CEP112: variants seen among roughly 807,000 people sequenced by gnomAD.
CEP112 encodes the protein centrosomal protein of 112 kDa.
In CEP112, 127 loss-of-function variants were observed where a neutral mutation model predicts 153.0. The observed-to-expected ratio is 0.83, with a 90% CI of 0.72 to 0.96. The LOEUF is 0.96. Among genes scored for constraint, CEP112 ranks in the 40% least tolerant of loss-of-function variants. The pLI is 0.00. For missense variants in CEP112, 1,089 were observed against 1,101.2 expected (o/e 0.99, Z 0.16); for synonymous variants, 358 against 374.4 (o/e 0.96, Z 0.51).
At chr17:66,098,056 C>T (rs2068420225) in intron 6 of CEP112, among the ~76,000 whole-genome samples, 1 of 152,204 alleles carries the variant, frequency 6.6e-6, no homozygotes, top group Non-Finnish European at 1.5e-5. Flanking sequence ...CAGACTACAG[C>T]TTACTCTTGT....
intron 17 of CEP112, among the ~76,000 whole-genome samples, chr17:65,974,583 G>A (rs1462820296): frequency 6.6e-6 from 1 of 152,130 alleles, no homozygotes; most frequent in African/African-American, 2.4e-5. Context: ...ACATGCAACT[G>A]CAAATATTGG....
intron 20 of CEP112, among the ~76,000 whole-genome samples, chr17:65,889,947 C>T (rs893572431): frequency 3.3e-5 from 5 of 152,136 alleles, no homozygotes; most frequent in South Asian, 4.2e-4. Flanking sequence ...CAGTGACTTT[C>T]GATTGTTGAC....
rs536885793 is a variant in CEP112, at chr17:65,819,299, G to A, written c.2394+32505C>T. 5.8e-4 allele frequency among the ~76,000 whole-genome samples: 88 copies of A among 151,818 alleles called. 2 individuals carry two copies. In the South Asian group the frequency reaches 0.018, roughly 31 times the overall value. On this transcript the variant is annotated intron_variant, in intron 21 of 26. Coordinates refer to ENST00000535342, the MANE Select transcript of CEP112 (RefSeq NM_001199165.4). ...TTTAAAAGAATCTTGCATTTTAAAA[G>A]CAACCTTGAGCTTCCAATATTTTCT... is the stretch of plus-strand genomic sequence containing the variant.
chr17:65,988,188 C>T (rs867145605), intron 17 of CEP112, among the ~76,000 whole-genome samples: 3 of 152,104 alleles, frequency 2.0e-5, no homozygotes, highest in African/African-American at 7.2e-5. Context: ...CCAAGCAAAA[C>T]CTGGGCTTAA....
At position 65,637,153 on chromosome 17, in the gene CEP112, C is replaced by T. The variant is rs1191594183; in HGVS notation, c.2835G>A (p.Gln945=). The T allele has an allele frequency of 2.5e-6, 4 of 1,614,074 alleles. No homozygotes were observed. The South Asian group carries it at 3.3e-5, about 13-fold the overall frequency. ...TGCCTTGATATGTAGTCAGTTCTTC[C>T]TGAAGGATGGAAGCTCTCTTTTGCA... The part of the protein sequence containing the change: ...NFLQKRASIL[Q]EELTTYQGRR The change falls in exon 26 of 27, where the codon CAG becomes CAA. Residue 945 remains glutamine (Q), a synonymous_variant. Transcript: ENST00000535342.
chr17:65,908,140 G>A (rs2060149796), intron 19 of CEP112, among the ~76,000 whole-genome samples: 1 of 152,146 alleles, frequency 6.6e-6, no homozygotes, highest in African/African-American at 2.4e-5. Context: ...TAATAAAAGA[G>A]GGAAGGCTTC....
intron 6 of CEP112, among the ~76,000 whole-genome samples, chr17:66,121,661 G>A (rs2069597194): frequency 6.6e-6 from 1 of 150,824 alleles, no homozygotes; most frequent in South Asian, 2.1e-4. Flanking sequence ...TTTCACTTCG[G>A]TTATACGGTT....
intron 12 of CEP112, among the ~76,000 whole-genome samples, chr17:66,044,514 G>A (rs2066118374): frequency 6.6e-6 from 1 of 152,140 alleles, no homozygotes; most frequent in Admixed American, 6.5e-5. Flanking sequence ...TATATGCATA[G>A]AGTGGAATTA....
intron 24 of CEP112, among the ~76,000 whole-genome samples, chr17:65,662,827 C>T (rs1318915597): frequency 6.6e-6 from 1 of 152,140 alleles, no homozygotes; most frequent in Non-Finnish European, 1.5e-5. Flanking sequence ...ATTCCAACTT[C>T]ATCTATAAGT....
At chr17:66,176,420 G>A (rs907522562) in intron 3 of CEP112, among the ~76,000 whole-genome samples, 5 of 152,028 alleles carry the variant, frequency 3.3e-5, no homozygotes, top group African/African-American at 9.7e-5. Context: ...CATTTTATTA[G>A]AGTAAAAAGG....
intron 24 of CEP112, among the ~76,000 whole-genome samples, chr17:65,652,447 C>G (rs923106567): frequency 6.6e-6 from 1 of 151,686 alleles, no homozygotes; most frequent in African/African-American, 2.4e-5. Flanking sequence ...CATTAGTTAT[C>G]ATTATATGAC....
At chr17:65,908,295 T>C (rs907176041) in intron 19 of CEP112, among the ~76,000 whole-genome samples, 12 of 152,142 alleles carry the variant, frequency 7.9e-5, no homozygotes, top group African/African-American at 2.7e-4. Context: ...TGGTGGCATA[T>C]GATAGTCCTT....
At chr17:65,672,118 A>G (rs945803232) in intron 24 of CEP112, among the ~76,000 whole-genome samples, 1 of 152,248 alleles carries the variant, frequency 6.6e-6, no homozygotes, top group Non-Finnish European at 1.5e-5. Flanking sequence ...TAATACTCCT[A>G]AATACCAGAA....
chr17:65,670,157 T>C (rs1429007955), intron 24 of CEP112, among the ~76,000 whole-genome samples: 1 of 151,172 alleles, frequency 6.6e-6, no homozygotes, highest in Non-Finnish European at 1.5e-5. Flanking sequence ...TTGAGGTTTT[T>C]TTGTTTTTGT....
chr17:65,727,356 C>T (rs2050239968), intron 23 of CEP112, among the ~76,000 whole-genome samples: 1 of 151,866 alleles, frequency 6.6e-6, no homozygotes, highest in Non-Finnish European at 1.5e-5. Flanking sequence ...CTATTGATTT[C>T]CAAACCCTCT....
At chr17:66,051,440 C>T (rs1463357025) in intron 12 of CEP112, among the ~76,000 whole-genome samples, 1 of 150,268 alleles carries the variant, frequency 6.7e-6, no homozygotes, top group African/African-American at 2.4e-5. Flanking sequence ...ATATTTCCAA[C>T]AACTTACATT....
chr17:65,668,300 C>T (rs549202396), intron 24 of CEP112, among the ~76,000 whole-genome samples: 6 of 152,118 alleles, frequency 3.9e-5, no homozygotes, highest in South Asian at 2.1e-4. Flanking sequence ...ATTCACACAT[C>T]GAAAACATCT....
At chr17:65,856,006 C>G (rs983291158) in intron 20 of CEP112, among the ~76,000 whole-genome samples, 1 of 151,988 alleles carries the variant, frequency 6.6e-6, no homozygotes, top group African/African-American at 2.4e-5. Context: ...TGCAGTGAAC[C>G]GTGGTCATAC....
intron 10 of CEP112, among the ~76,000 whole-genome samples, chr17:66,063,901 T>C (rs1008843861): frequency 6.6e-6 from 1 of 152,154 alleles, no homozygotes; most frequent in African/African-American, 2.4e-5. Flanking sequence ...TGCCTAAATA[T>C]GATCATCTAT....
Sources: allele counts gnomAD v4.1 joint callset (sites outside exome capture counted in the v4.1 genomes callset), GRCh38; gene constraint gnomAD v4.1.1; transcripts MANE v1.5; gene names NCBI Gene and HGNC (gene_info 2026-07-23, HGNC 2026-07-21).